The following DNAH8 variants were observed in gnomAD, a reference collection of about 807,000 sequenced individuals.
DNAH8 encodes axonemal beta dynein heavy chain 8.
In DNAH8, 382 loss-of-function variants were observed where a neutral mutation model predicts 562.1. The observed-to-expected ratio is 0.68, with a 90% CI of 0.63 to 0.74. DNAH8 has a LOEUF of 0.74. DNAH8 is among the 30% of genes least tolerant of loss of function. DNAH8 has a pLI of 0.00. For missense variants in DNAH8, 5,203 were observed against 5,620.4 expected, an observed-to-expected ratio of 0.93 and a Z score of 2.37; for synonymous variants, 1,881 against 1,919.4, an observed-to-expected ratio of 0.98 and a Z score of 0.52.
At chr6:38,861,677 G>A (rs560828919) in intron 43 of DNAH8, among the ~76,000 whole-genome samples, 6 of 152,206 alleles carry the variant, frequency 3.9e-5, no homozygotes, top group Non-Finnish European at 5.9e-5. Context: ...GACTACAGGC[G>A]CATGCCACCA....
rs1303630071 is a variant in DNAH8, at chr6:39,030,102, C to A, written c.13837-3C>A. The A allele has an allele frequency of 2.5e-6, 4 of 1,609,076 alleles. No individual in the cohort carries two copies. Among genetic ancestry groups the A allele is most frequent in the Non-Finnish European group, 2.5e-6 (3 of 1,176,474 alleles). On this transcript the variant is annotated splice_region_variant and splice_polypyrimidine_tract_variant and intron_variant, in intron 92 of 92. Coordinates refer to ENST00000327475, the MANE Select transcript of DNAH8 (RefSeq NM_001206927.2). ...CCTATTACCTTATGCTTGACTCTTCCAGGAAGGTGTGTATATTTATGGGCT... is the reference window on the plus strand; with the variant it reads ...CCTATTACCTTATGCTTGACTCTTCAAGGAAGGTGTGTATATTTATGGGCT...
intron 1 of DNAH8, among the ~76,000 whole-genome samples, chr6:38,716,277 T>C (rs979439622): frequency 1.1e-4 from 16 of 151,874 alleles, no homozygotes; most frequent in Admixed American, 5.9e-4. Flanking sequence ...CTATATATTT[T>C]TAAAAATTCA....
In DNAH8 at chr6:38,917,968, C is replaced by T; in HGVS notation, c.10352C>T (p.Pro3451Leu). The change falls in exon 70 of 93, where the codon CCT becomes CTT. Residue 3451 changes from proline to leucine, a missense_variant. Coordinates refer to ENST00000327475, the MANE Select transcript of DNAH8 (RefSeq NM_001206927.2). ...TGFLWSLQQF[P>L]KDTINEETVE... ...TTCCTGTGGAGCCTTCAGCAGTTCC[C>T]TAAGGACACTATAAATGAAGAGACT... 1 of 1,613,690 alleles carries T rather than the reference C, an allele frequency of 6.2e-7. No individual in the cohort carries two copies. The highest frequency in any genetic ancestry group is 1.1e-5 in the South Asian group (1 of 91,048).
intron 36 of DNAH8, among the ~76,000 whole-genome samples, chr6:38,846,967 T>C (rs1018437): frequency 0.51 from 77,524 of 152,048 alleles, 21,015 homozygotes; most frequent in East Asian, 0.84. Context: ...GGAGATTCTC[T>C]TCCTAGAGAA....
At chr6:38,756,135 T>C in intron 10 of DNAH8, 56 bp downstream of exon 10, 2 of 1,102,026 alleles carry the variant, frequency 1.8e-6, no homozygotes, top group African/African-American at 1.5e-5. Context: ...TAGCAAATCT[T>C]TCCTTCTGAG....
intron 61 of DNAH8, 92 bp downstream of exon 61, chr6:38,898,472 C>A: frequency 9.1e-7 from 1 of 1,099,654 alleles, no homozygotes. Context: ...TAACTATATA[C>A]TATCAGGTAC....
At chr6:38,878,929 G>A (rs917459322) in intron 53 of DNAH8, among the ~76,000 whole-genome samples, 9 of 152,022 alleles carry the variant, frequency 5.9e-5, no homozygotes, top group Non-Finnish European at 1.2e-4. Context: ...CACATGATAC[G>A]TTAATTCGCT....
intron 43 of DNAH8, 53 bp downstream of exon 43, chr6:38,860,682 A>G (rs1776555619): frequency 1.6e-6 from 2 of 1,257,144 alleles, no homozygotes; most frequent in Non-Finnish European, 2.2e-6. Flanking sequence ...TGTGCATAAC[A>G]TTATTTATAG....
At chr6:38,834,509 A>G in intron 31 of DNAH8, 70 bp from the exon 32 acceptor site, 1 of 1,052,828 alleles carries the variant, frequency 9.5e-7, no homozygotes, top group Non-Finnish European at 1.4e-6. Flanking sequence ...TGGAAATAAT[A>G]GATAAACCCA....
chr6:39,010,889 A>G (rs537593009), intron 89 of DNAH8, among the ~76,000 whole-genome samples: 1 of 151,856 alleles, frequency 6.6e-6, no homozygotes, highest in Non-Finnish European at 1.5e-5. Flanking sequence ...CTGTTCAGCC[A>G]CTGGAGGTTG....
intron 74 of DNAH8, among the ~76,000 whole-genome samples, chr6:38,927,028 C>T (rs2150568434): frequency 6.6e-6 from 1 of 152,248 alleles, no homozygotes; most frequent in African/African-American, 2.4e-5. Context: ...CCATGAACTC[C>T]TTTTTGGCCA....
intron 1 of DNAH8, among the ~76,000 whole-genome samples, chr6:38,721,173 A>G (rs940869166): frequency 6.6e-6 from 1 of 152,266 alleles, no homozygotes; most frequent in South Asian, 2.1e-4. Context: ...AAAATTAGGC[A>G]TGTATCGTGG....
chr6:38,749,430 G>C (rs1012820224), intron 8 of DNAH8, among the ~76,000 whole-genome samples: 1 of 151,696 alleles, frequency 6.6e-6, no homozygotes, highest in Admixed American at 6.6e-5. Flanking sequence ...TGCATGCAGG[G>C]CTTAAAACCT....
At chr6:38,854,273 A>G (rs1776006024) in intron 41 of DNAH8, among the ~76,000 whole-genome samples, 2 of 152,164 alleles carry the variant, frequency 1.3e-5, no homozygotes, top group Non-Finnish European at 2.9e-5. Context: ...CAATGGTTTC[A>G]TTACACTTTC....
intron 33 of DNAH8, among the ~76,000 whole-genome samples, chr6:38,838,819 T>TCAATCAA (rs1774529332): frequency 6.6e-6 from 1 of 152,268 alleles, no homozygotes; most frequent in South Asian, 2.1e-4. Context: ...TAAACAAGTG[T>TCAATCAA]ATTTCAATCA....
intron 82 of DNAH8, among the ~76,000 whole-genome samples, chr6:38,962,943 A>C (rs1474602334): frequency 6.6e-6 from 1 of 152,206 alleles, no homozygotes; most frequent in East Asian, 1.9e-4. Flanking sequence ...CAAAGGCCTA[A>C]GAATGATACA....
chr6:38,846,601 T>C (rs1044108709), intron 36 of DNAH8, among the ~76,000 whole-genome samples: 7 of 152,140 alleles, frequency 4.6e-5, no homozygotes, highest in African/African-American at 1.7e-4. Context: ...GGGTTGAATA[T>C]ATAAAGGTCA....
chr6:38,767,524 T>C (rs564970196), intron 11 of DNAH8, among the ~76,000 whole-genome samples: 1 of 152,230 alleles, frequency 6.6e-6, no homozygotes, highest in Non-Finnish European at 1.5e-5. Flanking sequence ...TTGCCTATTC[T>C]AGGTACCTCA....
chr6:39,023,137 G>T (rs984840640), intron 91 of DNAH8, among the ~76,000 whole-genome samples: 18 of 152,154 alleles, frequency 1.2e-4, no homozygotes. Flanking sequence ...TTAAACATAT[G>T]AACATAGGAA....
Sources: gnomAD v4.1 joint callset for allele counts (sites outside exome capture counted in the v4.1 genomes callset) on GRCh38, gnomAD v4.1.1 for gene constraint, MANE v1.5 for transcripts, NCBI Gene and HGNC (gene_info 2026-07-23, HGNC 2026-07-21) for gene names.